Variants in IL1RAPL1 observed in about 807,000 individuals in gnomAD.
The protein encoded by IL1RAPL1 is interleukin 1 receptor accessory protein like 1, also known as interleukin-1 receptor accessory protein-like 1.
A neutral mutation model predicts 48.4 loss-of-function variants in IL1RAPL1; 3 were observed. That is an observed-to-expected ratio of 0.06 (90% confidence interval 0.03 to 0.16). The LOEUF (loss-of-function observed/expected upper bound fraction) is 0.16, where lower values mean the gene tolerates loss of function less well. Ranked by LOEUF, IL1RAPL1 falls within the 10% of genes least tolerant of loss-of-function variation. The pLI is 1.00. For missense variants in IL1RAPL1, 349 were observed against 530.6 expected (o/e 0.66, Z 3.36); for synonymous variants, 185 against 187.7 (o/e 0.99, Z 0.12).
chrX:29,100,289 A>G (rs1039712626), intron 2 of IL1RAPL1, among the ~76,000 whole-genome samples: 4 of 112,396 alleles, frequency 3.6e-5, no homozygotes, highest in African/African-American at 9.7e-5. Flanking sequence ...TACAAATCAG[A>G]CAGCCCTCAG....
chrX:29,525,759 T>A (rs1291220759), intron 5 of IL1RAPL1, among the ~76,000 whole-genome samples: 1 of 111,588 alleles, frequency 9.0e-6, no homozygotes, highest in Non-Finnish European at 1.9e-5. Context: ...GGGAGAGATA[T>A]AGGCAAAAGA....
intron 8 of IL1RAPL1, among the ~76,000 whole-genome samples, chrX:29,930,364 C>T (rs1256187292): frequency 3.6e-5 from 4 of 111,870 alleles, no homozygotes; most frequent in African/African-American, 1.3e-4. Flanking sequence ...CAGAACATAG[C>T]TTGCAAACCA....
At chrX:29,938,184 TAAG>T (rs976892262) in intron 8 of IL1RAPL1, among the ~76,000 whole-genome samples, 8 of 111,949 alleles carry the variant, frequency 7.1e-5, no homozygotes, top group East Asian at 5.6e-4. Flanking sequence ...TTGCTAAAAA[TAAG>T]AAGGACTTAT....
intron 8 of IL1RAPL1, among the ~76,000 whole-genome samples, chrX:29,935,331 T>C (rs1933015028): frequency 9.0e-6 from 1 of 111,585 alleles, no homozygotes; most frequent in South Asian, 3.7e-4. Flanking sequence ...CGTCTATTGA[T>C]AATTTTTGCC....
chrX:28,701,718 T>C (rs1337227707), intron 1 of IL1RAPL1, among the ~76,000 whole-genome samples: 1 of 111,475 alleles, frequency 9.0e-6, no homozygotes, highest in Admixed American at 9.6e-5. Context: ...ACCCAAAAAC[T>C]TCCTCCTTAC....
Position 28,639,189 on chromosome X carries a change from A to T in IL1RAPL1, c.-25+51142A>T, listed in dbSNP as rs773347586. The stretch of plus-strand genomic sequence containing the variant: ...TCTTCCCATTCTCCCTCTGGGAGCA[A>T]TGAGTGATTTAGAGTTTGTAATTCA... On this transcript the variant is annotated intron_variant, in intron 1 of 10. Transcript: ENST00000378993. 1.3e-4 allele frequency among the ~76,000 whole-genome samples: 15 copies of T among 111,965 alleles called. No homozygotes were observed. In the East Asian group the frequency reaches 4.2e-3, roughly 32 times the overall value.
chrX:29,668,672 G>A (rs1602355053), intron 6 of IL1RAPL1, among the ~76,000 whole-genome samples, 168 bp downstream of exon 6: 1 of 111,691 alleles, frequency 9.0e-6, no homozygotes, highest in South Asian at 3.7e-4. Flanking sequence ...CTTACAGTGC[G>A]TGCCTTAGGA....
chrX:29,508,910 A>G (rs1031526140), intron 5 of IL1RAPL1, among the ~76,000 whole-genome samples: 1 of 111,942 alleles, frequency 8.9e-6, no homozygotes, highest in Admixed American at 9.4e-5. Flanking sequence ...TTAGTACTCT[A>G]CAAATTCTAA....
chrX:28,959,494 G>A (rs932038930), intron 2 of IL1RAPL1, among the ~76,000 whole-genome samples: 2 of 111,753 alleles, frequency 1.8e-5, no homozygotes, highest in Admixed American at 9.5e-5. Flanking sequence ...TATTATTTAA[G>A]CCTTTGCCAA....
intron 2 of IL1RAPL1, among the ~76,000 whole-genome samples, chrX:28,789,691 G>C (rs958170769): frequency 1.8e-5 from 2 of 112,110 alleles, no homozygotes; most frequent in East Asian, 5.6e-4. Flanking sequence ...ATTTCATTTT[G>C]TGGTAGGATT....
intron 6 of IL1RAPL1, among the ~76,000 whole-genome samples, chrX:29,916,616 G>T (rs1380942414): frequency 8.9e-6 from 1 of 111,756 alleles, no homozygotes; most frequent in Non-Finnish European, 1.9e-5. Context: ...GTATCTACTG[G>T]AATATGTCAG....
At chrX:28,881,720 T>A (rs1922505981) in intron 2 of IL1RAPL1, among the ~76,000 whole-genome samples, 2 of 111,296 alleles carry the variant, frequency 1.8e-5, no homozygotes, top group South Asian at 7.5e-4. Flanking sequence ...ACTTGAAGAA[T>A]ATAATAGCTG....
chrX:28,978,682 G>T (rs1312774072), intron 2 of IL1RAPL1, among the ~76,000 whole-genome samples: 1 of 112,125 alleles, frequency 8.9e-6, no homozygotes, highest in Non-Finnish European at 1.9e-5. Flanking sequence ...GTCAGATTAT[G>T]TGTTTTCCTC....
At chrX:28,927,532 A>G (rs1923776780) in intron 2 of IL1RAPL1, among the ~76,000 whole-genome samples, 1 of 111,348 alleles carries the variant, frequency 9.0e-6, no homozygotes, top group African/African-American at 3.3e-5. Context: ...TTTTATTGCA[A>G]TTATTTACCT....
intron 5 of IL1RAPL1, among the ~76,000 whole-genome samples, chrX:29,587,358 C>A: frequency 1.0e-5 from 1 of 95,679 alleles, no homozygotes; most frequent in Non-Finnish European, 2.1e-5. Context: ...ATGGTGGTTA[C>A]CAGGGGTTGA....
At chrX:29,393,009 C>T (rs1480757461) in intron 3 of IL1RAPL1, among the ~76,000 whole-genome samples, 2 of 112,084 alleles carry the variant, frequency 1.8e-5, no homozygotes, top group Non-Finnish European at 3.8e-5. Flanking sequence ...ACTGAGTGTT[C>T]TAAGCTCTTT....
chrX:29,247,934 T>C (rs945408377), intron 2 of IL1RAPL1, among the ~76,000 whole-genome samples: 2 of 111,707 alleles, frequency 1.8e-5, no homozygotes, highest in African/African-American at 6.5e-5. Context: ...TGTTTTGGCA[T>C]TTTAGACATT....
At chrX:29,492,199 GAA>G (rs1367290595) in intron 5 of IL1RAPL1, among the ~76,000 whole-genome samples, 1 of 112,461 alleles carries the variant, frequency 8.9e-6, no homozygotes, top group African/African-American at 3.2e-5. Context: ...AACCGTAAGT[GAA>G]GTCTTGTAAC....
chrX:28,797,454 A>G (rs969752916), intron 2 of IL1RAPL1, among the ~76,000 whole-genome samples: 1 of 111,563 alleles, frequency 9.0e-6, no homozygotes, highest in African/African-American at 3.3e-5. Flanking sequence ...TTTGCTGCTT[A>G]GAAATTTCTT....
Sources: allele counts gnomAD v4.1 joint callset (sites outside exome capture counted in the v4.1 genomes callset), GRCh38; gene constraint gnomAD v4.1.1; transcripts MANE v1.5; gene names NCBI Gene and HGNC (gene_info 2026-07-23, HGNC 2026-07-21).